The following SORCS3 variants were observed in gnomAD, a reference collection of about 807,000 sequenced individuals.
SORCS3 encodes the protein sortilin related VPS10 domain containing receptor 3.
SORCS3 carries 57 observed loss-of-function variants against 146.3 expected under a neutral mutation model. That is an observed-to-expected ratio of 0.39 (90% CI 0.31 to 0.49). The LOEUF (loss-of-function observed/expected upper bound fraction) is 0.49, where lower values mean the gene tolerates loss of function less well. Ranked by LOEUF, SORCS3 falls within the 20% of genes least tolerant of loss-of-function variation. The pLI is 0.92. For missense variants in SORCS3, 1,341 were observed against 1,575.5 expected (o/e 0.85, Z 2.52); for synonymous variants, 653 against 618.5 (o/e 1.06, Z -0.83).
At chr10:104,663,555 C>G (rs768683101) in intron 1 of SORCS3, among the ~76,000 whole-genome samples, 8 of 152,154 alleles carry the variant, frequency 5.3e-5, no homozygotes, top group Non-Finnish European at 8.8e-5. Flanking sequence ...TGTGGTGGCT[C>G]CCTCGCTCCC....
intron 5 of SORCS3, among the ~76,000 whole-genome samples, chr10:105,073,579 G>C (rs1214905772): frequency 1.3e-5 from 2 of 152,114 alleles, no homozygotes; most frequent in Admixed American, 1.3e-4. Context: ...GTTGATTTTA[G>C]AGCACAGAAT....
intron 1 of SORCS3, among the ~76,000 whole-genome samples, chr10:104,727,900 G>T (rs1263740324): frequency 6.6e-6 from 1 of 152,096 alleles, no homozygotes; most frequent in East Asian, 1.9e-4. Flanking sequence ...ATCTGAGATG[G>T]AATAGTTTCA....
chr10:104,771,700 TG>T (rs2017251611), intron 1 of SORCS3, among the ~76,000 whole-genome samples: 1 of 152,088 alleles, frequency 6.6e-6, no homozygotes, highest in East Asian at 1.9e-4. Context: ...CAAGTGCCAA[TG>T]CACTCAAAGG....
chr10:104,716,209 T>C (rs1266835620), intron 1 of SORCS3, among the ~76,000 whole-genome samples: 1 of 152,210 alleles, frequency 6.6e-6, no homozygotes, highest in Admixed American at 6.5e-5. Flanking sequence ...TTATTTTATG[T>C]ATTGATTATC....
chr10:105,075,490 G>A (rs2055583051), intron 5 of SORCS3, among the ~76,000 whole-genome samples: 1 of 152,152 alleles, frequency 6.6e-6, no homozygotes, highest in African/African-American at 2.4e-5. Context: ...TTAGGGGTAG[G>A]TGCAGGTGGG....
At position 104,899,156 on chromosome 10, in the gene SORCS3, CA is replaced by C. The variant is rs567765941; in HGVS notation, c.696-16676del. Reference sequence around the variant, plus strand: ...ACAGCAGCTTCCTATAAAATGTAAGCATGTTTTACATCAGACAGACCTGATA... The same window carrying C: ...ACAGCAGCTTCCTATAAAATGTAAGCTGTTTTACATCAGACAGACCTGATA... On this transcript the variant is annotated intron_variant, in intron 2 of 26. Transcript: ENST00000369701. 1.6e-3 allele frequency among the ~76,000 whole-genome samples: 248 copies of C among 152,322 alleles called. 1 individual carries two copies. Among genetic ancestry groups the C allele is most frequent in the African/African-American group, 5.5e-3 (229 of 41,574 alleles).
intron 1 of SORCS3, among the ~76,000 whole-genome samples, chr10:104,830,209 A>C (rs900685145): frequency 6.6e-6 from 1 of 152,192 alleles, no homozygotes; most frequent in Admixed American, 6.5e-5. Context: ...AGCTTCATCC[A>C]TGTCCCTGCA....
chr10:104,824,975 G>T (rs1377678402), intron 1 of SORCS3, among the ~76,000 whole-genome samples: 1 of 152,228 alleles, frequency 6.6e-6, no homozygotes, highest in African/African-American at 2.4e-5. Flanking sequence ...AACTTGGATG[G>T]ACCTGTGATC....
intron 7 of SORCS3, among the ~76,000 whole-genome samples, chr10:105,135,442 G>C (rs1037908492): frequency 3.9e-5 from 6 of 152,162 alleles, no homozygotes; most frequent in Non-Finnish European, 8.8e-5. Flanking sequence ...GATCTGGTGA[G>C]TAGCATCTGG....
chr10:104,737,425 T>G (rs2016787409), intron 1 of SORCS3, among the ~76,000 whole-genome samples: 1 of 152,176 alleles, frequency 6.6e-6, no homozygotes, highest in Non-Finnish European at 1.5e-5. Context: ...TTTCTCCACA[T>G]CCTCTCCAGC....
chr10:104,984,918 A>G (rs560730561), intron 4 of SORCS3, among the ~76,000 whole-genome samples: 1 of 152,338 alleles, frequency 6.6e-6, no homozygotes, highest in East Asian at 1.9e-4. Context: ...GCTAATGATC[A>G]TCTGAGCCTT....
intron 2 of SORCS3, among the ~76,000 whole-genome samples, chr10:104,859,342 T>A (rs536835770): frequency 1.3e-5 from 2 of 152,196 alleles, no homozygotes; most frequent in African/African-American, 4.8e-5. Flanking sequence ...TAATAAATGG[T>A]GCTGGGAAAA....
intron 21 of SORCS3, 110 bp from the exon 22 acceptor site, chr10:105,247,109 G>A: frequency 2.1e-6 from 1 of 486,454 alleles, no homozygotes; most frequent in Non-Finnish European, 3.7e-6. Flanking sequence ...GAAGCCTGGT[G>A]AAAGAGTAGA....
At chr10:104,864,323 C>A (rs1408438103) in intron 2 of SORCS3, among the ~76,000 whole-genome samples, 3 of 152,102 alleles carry the variant, frequency 2.0e-5, no homozygotes, top group African/African-American at 7.2e-5. Flanking sequence ...CAACCACAGC[C>A]CTGGATCTCC....
At chr10:105,172,262 A>G (rs1451343431) in intron 13 of SORCS3, among the ~76,000 whole-genome samples, 1 of 152,202 alleles carries the variant, frequency 6.6e-6, no homozygotes, top group Non-Finnish European at 1.5e-5. Flanking sequence ...ATGCAACTCA[A>G]GACAGATTTT....
intron 2 of SORCS3, among the ~76,000 whole-genome samples, chr10:104,914,212 G>A (rs2019000011): frequency 6.6e-6 from 1 of 152,186 alleles, no homozygotes; most frequent in South Asian, 2.1e-4. Context: ...TATGAAGGGA[G>A]TTTTGTGATG....
intron 2 of SORCS3, among the ~76,000 whole-genome samples, chr10:104,914,426 G>C (rs1440029474): frequency 6.6e-6 from 1 of 152,136 alleles, no homozygotes; most frequent in African/African-American, 2.4e-5. Flanking sequence ...GGAGGTGCAG[G>C]TGGGTGTTTA....
chr10:105,143,706 A>G (rs1001738945), intron 8 of SORCS3, among the ~76,000 whole-genome samples: 1 of 152,218 alleles, frequency 6.6e-6, no homozygotes, highest in Non-Finnish European at 1.5e-5. Flanking sequence ...AAATAATTAC[A>G]TAAGAGACTA....
At chr10:105,132,063 A>C (rs1212719623) in intron 7 of SORCS3, among the ~76,000 whole-genome samples, 1 of 152,144 alleles carries the variant, frequency 6.6e-6, no homozygotes, top group East Asian at 1.9e-4. Context: ...AGGTTTGGAA[A>C]TTTCACATAG....
Sources: gnomAD v4.1 joint callset for allele counts (sites outside exome capture counted in the v4.1 genomes callset) on GRCh38, gnomAD v4.1.1 for gene constraint, MANE v1.5 for transcripts, NCBI Gene and HGNC (gene_info 2026-07-23, HGNC 2026-07-21) for gene names.